The following OXCT2 variants were observed in gnomAD, a reference collection of about 807,000 sequenced individuals.
The protein encoded by OXCT2 is 3-oxoacid CoA-transferase 2, also known as succinyl-CoA:3-ketoacid coenzyme A transferase 2, mitochondrial.
For missense variants in OXCT2, 317 were observed against 695.7 expected (o/e 0.46, Z 6.12); for synonymous variants, 110 against 298.4 (o/e 0.37, Z 6.51).
Position 39,771,321 on chromosome 1 carries a change from A to G in OXCT2, c.-66T>C. ...CTGCGTGCGCCTCGGGCCGCGCGTC[A>G]CAGAGCAGGGCGGGCGCCCGCGCCC... On this transcript the variant is annotated 5_prime_UTR_variant, in exon 1 of 1. Transcript: ENST00000327582. The G allele has an allele frequency of 7.2e-7, 1 of 1,397,448 alleles. No individual in the cohort carries two copies. Among genetic ancestry groups the G allele is most frequent in the Middle Eastern group, 2.7e-4 (1 of 3,722 alleles). 86.6% of individuals were successfully genotyped at this position (1,397,448 alleles called of 1,614,324 possible).
At position 39,769,834 on chromosome 1, in the gene OXCT2, G is replaced by C; in HGVS notation, c.1422C>G (p.Asp474Glu). ...GCGTCAGCTCTTTCTTCCTGTGCACGTCAAACACGGCCTTCTCGGTGATGA... is the reference window on the plus strand; with the variant it reads ...GCGTCAGCTCTTTCTTCCTGTGCACCTCAAACACGGCCTTCTCGGTGATGA... ...DRIITEKAVF[D>E]VHRKKELTLR... Residue 474 changes from aspartate (D) to glutamate (E), a missense_variant, in exon 1 of 1, where the codon GAC becomes GAG. Physicochemically the swap from Asp to Glu is conservative, Grantham distance 45 (BLOSUM62 2). Transcript: ENST00000327582. The C allele has an allele frequency of 6.2e-7, 1 of 1,613,116 alleles. No homozygotes were observed. The highest frequency in any genetic ancestry group is 8.5e-7 in the Non-Finnish European group (1 of 1,179,716).
At position 39,770,382 on chromosome 1, in the gene OXCT2, C is replaced by G. The variant is rs759552796; in HGVS notation, c.874G>C (p.Ala292Pro). 3 of 1,598,990 alleles carry G rather than the reference C, an allele frequency of 1.9e-6. No individual in the cohort carries two copies. Among genetic ancestry groups the G allele is most frequent in the Non-Finnish European group, 2.6e-6 (3 of 1,176,166 alleles). ...LTILKEEDGD[A>P]GKEEDARTRI... ...GTCCTGGCGTCCTCTTCCTTTCCAG[C>G]GTCTCCATCTTCCTCTTTCAGGATC... The change falls in exon 1 of 1, where the codon GCT becomes CCT. Residue 292 changes from alanine (A) to proline (P), a missense_variant. Transcript: ENST00000327582.
rs374774506 is a variant in OXCT2 at position 39,770,428 on chromosome 1, C to T, written c.828G>A (p.Glu276=). 6.2e-7 allele frequency: 1 copy of T among 1,608,938 alleles called. No individual in the cohort carries two copies. Among genetic ancestry groups the T allele is most frequent in the South Asian group, 1.1e-5 (1 of 90,734 alleles). Residue 276 remains glutamate (E), a synonymous_variant, in exon 1 of 1, where the codon GAG becomes GAA. Transcript: ENST00000327582. ...VDRVIKGQKY[E]KRIERLTILK... ...GGATCGTTAAGCGCTCAATTCGTTT[C>T]TCGTATTTCTGCCCCTTTATCACGC...
In OXCT2 at chr1:39,770,887, C is replaced by G; in HGVS notation, c.369G>C (p.Glu123Asp). 1.2e-6 allele frequency: 1 copy of G among 830,778 alleles called. No individual in the cohort carries two copies. The highest frequency in any genetic ancestry group is 1.8e-6 in the Non-Finnish European group (1 of 550,492). The allele number at this position is 830,778 out of a possible 1,614,324, so 51.5% of individuals were successfully genotyped here. A position where few individuals can be genotyped will look rare whatever the true frequency, so the allele number is the denominator to read the frequency against. ...CCAGCTCTCCTGCCAGGTACTGGCT[C>G]TCGCACAGGGTGTTCTCGCCCACGT... ...CSYVGENTLC[E>D]SQYLAGELEL... The change falls in exon 1 of 1, where the codon GAG becomes GAC. Residue 123 changes from glutamate to aspartate, a missense_variant. Transcript: ENST00000327582.
At position 39,770,462 on chromosome 1, in the gene OXCT2, T is replaced by C. The variant is rs1649879560; in HGVS notation, c.794A>G (p.Tyr265Cys). Reference protein sequence around the residue: ...PPEDIHVPNIYVDRVIKGQKY... With the variant: ...PPEDIHVPNICVDRVIKGQKY... ...CTGCCCCTTTATCACGCGATCTACATAAATGTTAGGAACGTGGATGTCTTC... is the reference window on the plus strand; with the variant it reads ...CTGCCCCTTTATCACGCGATCTACACAAATGTTAGGAACGTGGATGTCTTC... Residue 265 changes from tyrosine (Y) to cysteine (C), a missense_variant, in exon 1 of 1, where the codon TAT becomes TGT. Tyr to Cys is a radical substitution (Grantham distance 194). Coordinates refer to ENST00000327582, the MANE Select transcript of OXCT2 (RefSeq NM_022120.2). 6 of 1,609,710 alleles carry C rather than the reference T, an allele frequency of 3.7e-6. No homozygotes were observed. The Admixed American group carries it at 1.0e-4, about 27-fold the overall frequency.
rs141827821 is a variant in OXCT2 at position 39,769,810 on chromosome 1, C to A, written c.1446G>T (p.Thr482=). ...VFDVHRKKEL[T]LRELWEGLTV... is the part of the protein sequence containing the mutation. ...TCAGGCCCTCCCAGAGCTCCCTCAG[C>A]GTCAGCTCTTTCTTCCTGTGCACGT... Residue 482 remains threonine, a synonymous_variant, in exon 1 of 1, where the codon ACG becomes ACT. Coordinates refer to ENST00000327582, the MANE Select transcript of OXCT2 (RefSeq NM_022120.2). 4 of 1,613,606 alleles carry A rather than the reference C, an allele frequency of 2.5e-6. No homozygotes were observed. The highest frequency in any genetic ancestry group is 3.4e-6 in the Non-Finnish European group (4 of 1,179,848).
In OXCT2 at chr1:39,769,831, C is replaced by T. The variant is rs1309393735; in HGVS notation, c.1425G>A (p.Val475=). 1.9e-6 allele frequency: 3 copies of T among 1,613,092 alleles called. No individual in the cohort carries two copies. Among genetic ancestry groups the T allele is most frequent in the African/African-American group, 2.7e-5 (2 of 74,650 alleles). ...TCAGCGTCAGCTCTTTCTTCCTGTGCACGTCAAACACGGCCTTCTCGGTGA... is the reference window on the plus strand; with the variant it reads ...TCAGCGTCAGCTCTTTCTTCCTGTGTACGTCAAACACGGCCTTCTCGGTGA... ...RIITEKAVFD[V]HRKKELTLRE... The change falls in exon 1 of 1, where the codon GTG becomes GTA. Residue 475 remains valine (V), a synonymous_variant. Coordinates refer to ENST00000327582, the MANE Select transcript of OXCT2 (RefSeq NM_022120.2).
In OXCT2 at chr1:39,770,575, G is replaced by A. The variant is rs1395063845; in HGVS notation, c.681C>T (p.Ala227=). 3 of 1,605,602 alleles carry A rather than the reference G, an allele frequency of 1.9e-6. 1 individual carries two copies. The South Asian group carries it at 3.3e-5, about 18-fold the overall frequency. The change falls in exon 1 of 1, where the codon GCC becomes GCT. Residue 227 remains alanine (A), a synonymous_variant. Transcript: ENST00000327582. ...TGCACATGGGCACGTTGAAATTGCG[G>A]GCGCTTCTCCTGAAGACCACGTTTC... is the stretch of plus-strand genomic sequence containing the variant. ...RAGNVVFRRS[A]RNFNVPMCKA...
In OXCT2 at chr1:39,769,732, G is replaced by A. The variant is rs773996695; in HGVS notation, c.1524C>T (p.Asn508=). 1 of 1,610,778 alleles carries A rather than the reference G, an allele frequency of 6.2e-7. No individual in the cohort carries two copies. The highest frequency in any genetic ancestry group is 1.3e-5 in the African/African-American group (1 of 74,806). ...STGCAFAVSP[N]LRPMQQVAP ...GTGCCACCTGCTGCATGGGCCTGAG[G>A]TTCGGGGACACAGCAAAGGCACACC... is the stretch of plus-strand genomic sequence containing the variant. Residue 508 remains asparagine, a synonymous_variant, in exon 1 of 1, where the codon AAC becomes AAT. Transcript: ENST00000327582.
chr1:39,770,606 C>T lies in OXCT2; in HGVS notation c.650G>A (p.Arg217Gln), dbSNP rs377398400. ...FALVKGWKAD[R>Q]AGNVVFRRSA... ...TCTCCTGAAGACCACGTTTCCTGCC[C>T]GGTCGGCCTTCCACCCTTTCACCAG... is the stretch of plus-strand genomic sequence containing the variant. The change falls in exon 1 of 1, where the codon CGG becomes CAG. Residue 217 changes from arginine (R) to glutamine (Q), a missense_variant. Physicochemically the swap from Arg to Gln is conservative, Grantham distance 43. Coordinates refer to ENST00000327582, the MANE Select transcript of OXCT2 (RefSeq NM_022120.2). 9.1e-5 allele frequency: 145 copies of T among 1,592,858 alleles called. 3 individuals are homozygous for T. The highest frequency in any genetic ancestry group is 1.2e-4 in the Non-Finnish European group (141 of 1,171,182).
Position 39,770,669 on chromosome 1 carries a change from T to A in OXCT2, c.587A>T (p.His196Leu). The change falls in exon 1 of 1, where the codon CAC becomes CTC. Residue 196 changes from histidine (H) to leucine (L), a missense_variant. By Grantham distance (99) the His-to-Leu change is moderately conservative. Transcript: ENST00000327582. Reference protein sequence around the residue: ...PREVREFNGDHFLLERAIRAD... With the variant: ...PREVREFNGDLFLLERAIRAD... ...CCGGATGGCGCGCTCCAAAAGGAAG[T>A]GGTCGCCGTTGAACTCCCTCACCTC... is the stretch of plus-strand genomic sequence containing the variant. The A allele has an allele frequency of 6.9e-7, 1 of 1,441,538 alleles. No individual in the cohort carries two copies. The highest frequency in any genetic ancestry group is 9.3e-7 in the Non-Finnish European group (1 of 1,074,210). 89.3% of individuals were successfully genotyped at this position (1,441,538 alleles called of 1,614,324 possible).
chr1:39,770,639 TCTG>T lies in OXCT2; in HGVS notation c.614_616del (p.Ala205del). 6.5e-7 allele frequency: 1 copy of T among 1,542,724 alleles called. No individual in the cohort carries two copies. The highest frequency in any genetic ancestry group is 2.4e-5 in the East Asian group (1 of 42,270). On this transcript the variant is annotated inframe_deletion, in exon 1 of 1. Coordinates refer to ENST00000327582, the MANE Select transcript of OXCT2 (RefSeq NM_022120.2). ...CTTCCACCCTTTCACCAGGGCGAAGTCTGCCCGGATGGCGCGCTCCAAAAGGAA... is the reference window on the plus strand; with the variant it reads ...CTTCCACCCTTTCACCAGGGCGAAGTCCCGGATGGCGCGCTCCAAAAGGAA...
Position 39,770,484 on chromosome 1 carries a change from C to G in OXCT2, c.772G>C (p.Asp258His), listed in dbSNP as rs370989913. 3.7e-6 allele frequency: 6 copies of G among 1,610,262 alleles called. No individual in the cohort carries two copies. The highest frequency in any genetic ancestry group is 5.1e-6 in the Non-Finnish European group (6 of 1,179,220). Residue 258 changes from aspartate (D) to histidine (H), a missense_variant, in exon 1 of 1, where the codon GAC (aspartate) becomes CAC (histidine). By Grantham distance (81) the Asp-to-His change is moderately conservative. Coordinates refer to ENST00000327582, the MANE Select transcript of OXCT2 (RefSeq NM_022120.2). ...IVEVGAFPPE[D>H]IHVPNIYVDR... ...ACATAAATGTTAGGAACGTGGATGT[C>G]TTCTGGGGGGAAAGCCCCCACCTCC...
At position 39,769,632 on chromosome 1, in the gene OXCT2, T is replaced by G. The variant is rs1649806399; in HGVS notation, c.*70A>C. ...CAAACCCCTCCCAGAGCTGGGGACA[T>G]GTATTCCCCTGGGGAACCCGGTGGC... On this transcript the variant is annotated 3_prime_UTR_variant, in exon 1 of 1. Transcript: ENST00000327582. 3.4e-6 allele frequency: 5 copies of G among 1,451,246 alleles called. No homozygotes were observed. In the East Asian group the frequency reaches 1.3e-4, roughly 37 times the overall value. The allele number at this position is 1,451,246 out of a possible 1,614,324, so 89.9% of individuals were successfully genotyped here.
rs1399765096 is a variant in OXCT2, at chr1:39,771,211, G to C, written c.45C>G (p.Val15=). 23 of 1,529,330 alleles carry C rather than the reference G, an allele frequency of 1.5e-5. No homozygotes were observed. The highest frequency in any genetic ancestry group is 1.6e-5 in the Non-Finnish European group (18 of 1,138,840). 94.7% of individuals were successfully genotyped at this position (1,529,330 alleles called of 1,614,324 possible). The change falls in exon 1 of 1, where the codon GTC becomes GTG. Residue 15 remains valine (V), a synonymous_variant. Coordinates refer to ENST00000327582, the MANE Select transcript of OXCT2 (RefSeq NM_022120.2). ...GCGCGAGCCCTGAGCCGCCGGCGGG[G>C]ACCCCGCGCCCGAGCACTGACGCCA... ...RLLASVLGRG[V]PAGGSGLALS... is the part of the protein sequence containing the mutation.
Position 39,771,188 on chromosome 1 carries a change from G to A in OXCT2, c.68C>T (p.Ala23Val), listed in dbSNP as rs922338899. The A allele has an allele frequency of 4.3e-5, 67 of 1,543,328 alleles. No homozygotes were observed. In the Admixed American group the frequency reaches 5.8e-4, roughly 13 times the overall value. Reference sequence around the variant, plus strand: ...GCAGCGGGCGCAGCCCTGGGACAGCGCGAGCCCTGAGCCGCCGGCGGGGAC... The same window carrying A: ...GCAGCGGGCGCAGCCCTGGGACAGCACGAGCCCTGAGCCGCCGGCGGGGAC... ...RGVPAGGSGL[A>V]LSQGCARCFA... is the part of the protein sequence containing the mutation. The change falls in exon 1 of 1, where the codon GCG becomes GTG. Residue 23 changes from alanine (A) to valine (V), a missense_variant. By Grantham distance (64) the Ala-to-Val change is moderately conservative. Coordinates refer to ENST00000327582, the MANE Select transcript of OXCT2 (RefSeq NM_022120.2).
At position 39,769,818 on chromosome 1, in the gene OXCT2, C is replaced by G. The variant is rs369351852; in HGVS notation, c.1438G>C (p.Glu480Gln). The G allele has an allele frequency of 1.9e-6, 3 of 1,613,550 alleles. No individual in the cohort carries two copies. The highest frequency in any genetic ancestry group is 2.5e-6 in the Non-Finnish European group (3 of 1,179,834). Residue 480 changes from glutamate (E) to glutamine (Q), a missense_variant, in exon 1 of 1, where the codon GAG (glutamate) becomes CAG (glutamine). Physicochemically the swap from Glu to Gln is conservative, Grantham distance 29. Coordinates refer to ENST00000327582, the MANE Select transcript of OXCT2 (RefSeq NM_022120.2). The part of the protein sequence containing the change: ...KAVFDVHRKK[E>Q]LTLRELWEGL... Reference sequence around the variant, plus strand: ...TCCCAGAGCTCCCTCAGCGTCAGCTCTTTCTTCCTGTGCACGTCAAACACG... The same window carrying G: ...TCCCAGAGCTCCCTCAGCGTCAGCTGTTTCTTCCTGTGCACGTCAAACACG...
rs1030541602 is a variant in OXCT2, at chr1:39,769,666, T to C, written c.*36A>G. The C allele has an allele frequency of 1.3e-5, 20 of 1,539,194 alleles. No homozygotes were observed. Among genetic ancestry groups the C allele is most frequent in the Non-Finnish European group, 1.7e-5 (20 of 1,144,360 alleles). ...CTGGGGAACCCGGTGGCACCCGCCC[T>C]GAGGAGCGCACCACCCCGCCCAGAT... On this transcript the variant is annotated 3_prime_UTR_variant, in exon 1 of 1. Coordinates refer to ENST00000327582, the MANE Select transcript of OXCT2 (RefSeq NM_022120.2).
Position 39,769,822 on chromosome 1 carries a change from C to G in OXCT2, c.1434G>C (p.Lys478Asn). 6.2e-7 allele frequency: 1 copy of G among 1,613,508 alleles called. No homozygotes were observed. The highest frequency in any genetic ancestry group is 8.5e-7 in the Non-Finnish European group (1 of 1,179,810). Residue 478 changes from lysine to asparagine, a missense_variant, in exon 1 of 1, where the codon AAG becomes AAC. Transcript: ENST00000327582. ...AGAGCTCCCTCAGCGTCAGCTCTTT[C>G]TTCCTGTGCACGTCAAACACGGCCT... The part of the protein sequence containing the change: ...TEKAVFDVHR[K>N]KELTLRELWE...
Sources: gnomAD v4.1 joint callset for allele counts on GRCh38, gnomAD v4.1.1 for gene constraint, MANE v1.5 for transcripts, NCBI Gene and HGNC (gene_info 2026-07-23, HGNC 2026-07-21) for gene names.